NEGR1: variants seen among roughly 807,000 people sequenced by gnomAD.
The protein encoded by NEGR1 is IgLON family member 4.
Under a neutral mutation model 40.9 loss-of-function variants are expected in NEGR1, and 10 were observed. The observed-to-expected ratio is 0.24, with a 90% CI of 0.15 to 0.42. The LOEUF (loss-of-function observed/expected upper bound fraction) is 0.42. Among genes scored for constraint, NEGR1 ranks in the 10% least tolerant of loss-of-function variants. The pLI is 1.00. For missense variants in NEGR1, 352 were observed against 438.9 expected, an observed-to-expected ratio of 0.80 and a Z score of 1.77; for synonymous variants, 185 against 166.8, an observed-to-expected ratio of 1.11 and a Z score of -0.84.
chr1:71,859,723 T>C (rs980127890), intron 2 of NEGR1, among the ~76,000 whole-genome samples: 2 of 152,074 alleles, frequency 1.3e-5, no homozygotes, highest in Non-Finnish European at 2.9e-5. Flanking sequence ...TCTTGCCACA[T>C]TTGGGGATGT....
intron 2 of NEGR1, among the ~76,000 whole-genome samples, chr1:71,853,030 G>GA (rs778010473): frequency 2.4e-4 from 36 of 152,188 alleles, no homozygotes; most frequent in Admixed American, 1.1e-3. Flanking sequence ...TAATAGTCAT[G>GA]AATCATGGGG....
chr1:71,602,517 C>T (rs749381879), intron 5 of NEGR1, among the ~76,000 whole-genome samples: 1 of 151,994 alleles, frequency 6.6e-6, no homozygotes, highest in Non-Finnish European at 1.5e-5. Context: ...TCCCAAAGTG[C>T]TGGGATTACA....
chr1:72,166,337 T>C (rs1022950199), intron 1 of NEGR1, among the ~76,000 whole-genome samples: 2 of 152,016 alleles, frequency 1.3e-5, no homozygotes. Context: ...TTGGTAGACA[T>C]GTAAATTAGC....
rs376262997 is a variant in NEGR1, at chr1:72,025,165, G to A, written c.177-89854C>T. 3.3e-5 allele frequency among the ~76,000 whole-genome samples: 5 copies of A among 152,084 alleles called. No homozygotes were observed. The South Asian group carries it at 8.3e-4, about 25-fold the overall frequency. On this transcript the variant is annotated intron_variant, in intron 1 of 6. Coordinates refer to ENST00000357731, the MANE Select transcript of NEGR1 (RefSeq NM_173808.3). ...CATATAGATATAGCTAAGTTTTTAC[G>A]TCTTATATAGTATAACGTTTACATT... is the stretch of plus-strand genomic sequence containing the variant.
chr1:72,027,144 T>C (rs573862561), intron 1 of NEGR1, among the ~76,000 whole-genome samples: 1 of 152,208 alleles, frequency 6.6e-6, no homozygotes, highest in South Asian at 2.1e-4. Flanking sequence ...GCCAGGATGG[T>C]CTCGATCTCC....
intron 6 of NEGR1, among the ~76,000 whole-genome samples, chr1:71,420,702 G>C (rs952501591): frequency 2.0e-5 from 3 of 151,984 alleles, no homozygotes; most frequent in African/African-American, 7.2e-5. Flanking sequence ...GCTAGACAGA[G>C]AATTAATGTA....
chr1:71,585,706 T>TTTG (rs1553151822), intron 6 of NEGR1, among the ~76,000 whole-genome samples: 15 of 150,902 alleles, frequency 9.9e-5, no homozygotes, highest in African/African-American at 3.4e-4. Flanking sequence ...TTTTTTTTTT[T>TTTG]TTTTTACTCA....
intron 1 of NEGR1, among the ~76,000 whole-genome samples, chr1:72,112,279 T>G (rs2100270930): frequency 6.6e-6 from 1 of 151,408 alleles, no homozygotes; most frequent in Non-Finnish European, 1.5e-5. Context: ...AAAAAAAATC[T>G]ACCCCTTTGG....
chr1:72,234,489 C>T (rs948692117), intron 1 of NEGR1, among the ~76,000 whole-genome samples: 27 of 151,930 alleles, frequency 1.8e-4, no homozygotes, highest in African/African-American at 4.8e-4. Flanking sequence ...CAAAGTGAAC[C>T]GCCAACTTAC....
chr1:71,661,229 C>T (rs546222658), intron 4 of NEGR1, among the ~76,000 whole-genome samples: 10 of 152,108 alleles, frequency 6.6e-5, no homozygotes, highest in Non-Finnish European at 1.5e-4. Context: ...AATGGGATTG[C>T]TGGGTGAAAT....
At chr1:71,681,171 T>A (rs2101610261) in intron 4 of NEGR1, among the ~76,000 whole-genome samples, 1 of 152,358 alleles carries the variant, frequency 6.6e-6, no homozygotes, top group Middle Eastern at 3.4e-3. Flanking sequence ...TTAAAAGTGA[T>A]GTGTGTCATT....
intron 4 of NEGR1, among the ~76,000 whole-genome samples, chr1:71,671,175 G>A (rs1652416234): frequency 6.6e-6 from 1 of 152,188 alleles, no homozygotes; most frequent in African/African-American, 2.4e-5. Flanking sequence ...ATATGATAGG[G>A]AAAGGTGAGA....
At chr1:71,558,630 T>C (rs959809623) in intron 6 of NEGR1, among the ~76,000 whole-genome samples, 1 of 151,510 alleles carries the variant, frequency 6.6e-6, no homozygotes. Flanking sequence ...TGTTCCAGTT[T>C]TGTAGCTTAA....
At chr1:71,996,562 T>C (rs1646506077) in intron 1 of NEGR1, among the ~76,000 whole-genome samples, 1 of 152,116 alleles carries the variant, frequency 6.6e-6, no homozygotes, top group Non-Finnish European at 1.5e-5. Flanking sequence ...ATCTCAAAAC[T>C]ATTTCTGATT....
rs184198775 is a variant in NEGR1, at chr1:71,849,057, C to T, written c.410-72760G>A. Reference sequence around the variant, plus strand: ...TGAGCCGAGATTGTGCCACGGCACTCCAGTGTGGGTGACAGAGCAAGACTC... The same window carrying T: ...TGAGCCGAGATTGTGCCACGGCACTTCAGTGTGGGTGACAGAGCAAGACTC... On this transcript the variant is annotated intron_variant, in intron 2 of 6. Transcript: ENST00000357731. 2.6e-5 allele frequency among the ~76,000 whole-genome samples: 4 copies of T among 151,316 alleles called. No homozygotes were observed. In the East Asian group the frequency reaches 7.8e-4, roughly 30 times the overall value.
At chr1:72,136,618 A>G (rs1650473959) in intron 1 of NEGR1, among the ~76,000 whole-genome samples, 1 of 141,502 alleles carries the variant, frequency 7.1e-6, no homozygotes, top group Non-Finnish European at 1.5e-5. Flanking sequence ...AACTGAAACA[A>G]TAAAAAAAAA....
At chr1:71,723,497 C>T (rs189894156) in intron 3 of NEGR1, among the ~76,000 whole-genome samples, 1 of 152,150 alleles carries the variant, frequency 6.6e-6, no homozygotes, top group Non-Finnish European at 1.5e-5. Context: ...TCAATCATGC[C>T]TGTGTAATAA....
At chr1:71,720,074 C>G (rs1001583956) in intron 3 of NEGR1, among the ~76,000 whole-genome samples, 3 of 151,942 alleles carry the variant, frequency 2.0e-5, no homozygotes, top group Admixed American at 6.6e-5. Flanking sequence ...TAGGTACTAC[C>G]AAACAACTAC....
chr1:71,481,923 G>C (rs1332841801), intron 6 of NEGR1, among the ~76,000 whole-genome samples: 7 of 151,396 alleles, frequency 4.6e-5, no homozygotes, highest in Non-Finnish European at 1.5e-5. Flanking sequence ...TTTATTCTCT[G>C]AGCTTTATTT....
Sources: gnomAD v4.1 joint callset for allele counts (sites outside exome capture counted in the v4.1 genomes callset) on GRCh38, gnomAD v4.1.1 for gene constraint, MANE v1.5 for transcripts, NCBI Gene and HGNC (gene_info 2026-07-23, HGNC 2026-07-21) for gene names.